The following CTXND2 variants were observed in gnomAD, a reference collection of about 807,000 sequenced individuals.
CTXND2 encodes the protein cortexin domain containing 2.
rs140458106 is a variant in CTXND2, at chr1:150,901,239, A to G, written c.-73-11003A>G. 3.1e-3 allele frequency among the ~76,000 whole-genome samples: 468 copies of G among 152,370 alleles called. 2 individuals are homozygous for G. The highest frequency in any genetic ancestry group is 0.024 in the Middle Eastern group (7 of 294). On this transcript the variant is annotated intron_variant, in intron 1 of 1. Transcript: ENST00000636087. Reference sequence around the variant, plus strand: ...AAGCTACAAAACATTGTTGAAAGAAATTGAAAAGACTTAAGCAAATGGAAA... The same window carrying G: ...AAGCTACAAAACATTGTTGAAAGAAGTTGAAAAGACTTAAGCAAATGGAAA...
intron 1 of CTXND2, among the ~76,000 whole-genome samples, chr1:150,901,103 C>A (rs904381362): frequency 6.6e-6 from 1 of 152,062 alleles, no homozygotes; most frequent in Admixed American, 6.6e-5. Flanking sequence ...CAGAGTGAGA[C>A]CCTGTCTCAG....
intron 1 of CTXND2, among the ~76,000 whole-genome samples, chr1:150,908,954 AG>A (rs1418061360): frequency 6.6e-6 from 1 of 150,898 alleles, no homozygotes; most frequent in East Asian, 2.0e-4. Context: ...AAAGTACAAA[AG>A]TTGGCTGGGC....
intron 1 of CTXND2, among the ~76,000 whole-genome samples, chr1:150,892,528 CTTTTT>C: frequency 8.1e-6 from 1 of 123,340 alleles, no homozygotes; most frequent in African/African-American, 3.0e-5. Context: ...TCTTCTTCTT[CTTTTT>C]TTTTTTTTTT....
intron 1 of CTXND2, among the ~76,000 whole-genome samples, chr1:150,909,556 CA>C: frequency 6.6e-6 from 1 of 152,032 alleles, no homozygotes; most frequent in South Asian, 2.1e-4. Context: ...GACCCTGTCT[CA>C]AAGAAAAAAG....
chr1:150,905,705 A>G (rs929627792), intron 1 of CTXND2, among the ~76,000 whole-genome samples: 1 of 152,054 alleles, frequency 6.6e-6, no homozygotes, highest in African/African-American at 2.4e-5. Context: ...TATATAAAGA[A>G]TAAGGCCGGG....
At chr1:150,908,300 C>T (rs1190967663) in intron 1 of CTXND2, among the ~76,000 whole-genome samples, 2 of 152,200 alleles carry the variant, frequency 1.3e-5, no homozygotes, top group Non-Finnish European at 2.9e-5. Context: ...GCCACCATAC[C>T]TGGCCAGTAA....
chr1:150,899,842 T>C (rs772858846), intron 1 of CTXND2, among the ~76,000 whole-genome samples: 2 of 152,162 alleles, frequency 1.3e-5, no homozygotes, highest in African/African-American at 2.4e-5. Context: ...TGAAGCTATC[T>C]GGACTTCCTG....
chr1:150,887,190 A>C (rs997673341), exon 1 of CTXND2: 6 of 152,338 alleles, frequency 3.9e-5, no homozygotes, highest in Non-Finnish European at 8.8e-5. Flanking sequence ...GGAGAGAGCT[A>C]CCAACCACTC....
At chr1:150,909,298 A>G (rs1669208297) in intron 1 of CTXND2, among the ~76,000 whole-genome samples, 1 of 151,076 alleles carries the variant, frequency 6.6e-6, no homozygotes, top group African/African-American at 2.4e-5. Flanking sequence ...ATACAATCCT[A>G]ACACTTTGGG....
At chr1:150,887,814 A>G (rs1668792932) in intron 1 of CTXND2, among the ~76,000 whole-genome samples, 1 of 149,668 alleles carries the variant, frequency 6.7e-6, no homozygotes, top group African/African-American at 2.4e-5. Context: ...CAAGAATGGC[A>G]GGTCATTGCA....
chr1:150,896,275 C>A (rs1014054562), intron 1 of CTXND2, among the ~76,000 whole-genome samples: 1 of 152,086 alleles, frequency 6.6e-6, no homozygotes, highest in Non-Finnish European at 1.5e-5. Flanking sequence ...AAGGCAGAAC[C>A]CTGATACTTT....
chr1:150,890,464 T>C (rs1368704217), intron 1 of CTXND2, among the ~76,000 whole-genome samples: 1 of 152,218 alleles, frequency 6.6e-6, no homozygotes, highest in Non-Finnish European at 1.5e-5. Context: ...TGGTACAAGA[T>C]GACCTTTAAA....
intron 1 of CTXND2, among the ~76,000 whole-genome samples, chr1:150,906,281 A>T (rs1398376014): frequency 6.6e-6 from 1 of 152,172 alleles, no homozygotes; most frequent in African/African-American, 2.4e-5. Flanking sequence ...CCTGGGTGAC[A>T]GAGTGAGACC....
intron 1 of CTXND2, among the ~76,000 whole-genome samples, chr1:150,909,046 C>A (rs1017453187): frequency 5.9e-5 from 9 of 151,812 alleles, no homozygotes; most frequent in African/African-American, 1.9e-4. Flanking sequence ...TTGAGCCCAG[C>A]CTGGCCAACA....
intron 1 of CTXND2, among the ~76,000 whole-genome samples, chr1:150,905,062 C>CCACACACACACACACA (rs58415621): frequency 7.6e-6 from 1 of 130,766 alleles, no homozygotes; most frequent in African/African-American, 2.9e-5. Flanking sequence ...AAAAAGAAAA[C>CCACACACACACACACA]CACACACACA....
chr1:150,905,226 T>A (rs1196749456), intron 1 of CTXND2, among the ~76,000 whole-genome samples: 3 of 151,156 alleles, frequency 2.0e-5, no homozygotes, highest in Non-Finnish European at 4.4e-5. Context: ...TCACTGCAAC[T>A]TCTACCTCCC....
chr1:150,887,698 T>TA lies in CTXND2; in HGVS notation c.-74+393dup, dbSNP rs587627876. Among the ~76,000 whole-genome samples the TA allele has an allele frequency of 2.6e-3, 398 of 151,980 alleles. 2 individuals are homozygous for TA. Among genetic ancestry groups the TA allele is most frequent in the African/African-American group, 9.1e-3 (377 of 41,452 alleles). ...GTGTCTTTGATTTTAAGGATTATAG[T>TA]AAAAAAAAGCTGCATTATTGTGTTT... On this transcript the variant is annotated intron_variant, in intron 1 of 1. Coordinates refer to ENST00000636087, the Ensembl canonical transcript of CTXND2.
intron 1 of CTXND2, among the ~76,000 whole-genome samples, chr1:150,900,175 G>A (rs1410546463): frequency 6.6e-6 from 1 of 152,112 alleles, no homozygotes; most frequent in Non-Finnish European, 1.5e-5. Context: ...CTTTGGGTCT[G>A]CACTACCTTT....
At chr1:150,903,491 A>T (rs486836) in intron 1 of CTXND2, among the ~76,000 whole-genome samples, 61,931 of 151,804 alleles carry the variant, frequency 0.41, 14,689 homozygotes, top group Non-Finnish European at 0.54. Context: ...AAAATAAAAT[A>T]AAATTAAAAA....
Sources: allele counts gnomAD v4.1 joint callset (sites outside exome capture counted in the v4.1 genomes callset), GRCh38; gene constraint gnomAD v4.1.1; transcripts MANE v1.5; gene names NCBI Gene and HGNC (gene_info 2026-07-23, HGNC 2026-07-21).